Variants in SLC25A12 observed in about 807,000 individuals in gnomAD.
The protein encoded by SLC25A12 is electrogenic aspartate/glutamate antiporter SLC25A12, mitochondrial.
A neutral mutation model predicts 83.3 loss-of-function variants in SLC25A12; 32 were observed. The observed-to-expected ratio is 0.38, with a 90% CI of 0.29 to 0.52. The LOEUF (loss-of-function observed/expected upper bound fraction) is 0.52, where lower values mean the gene tolerates loss of function less well. Ranked by LOEUF, SLC25A12 falls within the 20% of genes least tolerant of loss-of-function variation. The pLI, the probability that SLC25A12 is intolerant of heterozygous loss-of-function variation, is 0.84. For missense variants in SLC25A12, 611 were observed against 835.6 expected (o/e 0.73, Z 3.31); for synonymous variants, 267 against 291.1 (o/e 0.92, Z 0.84).
intron 3 of SLC25A12, among the ~76,000 whole-genome samples, chr2:171,866,050 G>C (rs1417944890): frequency 3.0e-5 from 4 of 135,106 alleles, no homozygotes; most frequent in South Asian, 2.7e-4. Flanking sequence ...GACTCTTAAC[G>C]AGCATGCTGC....
chr2:171,813,496 A>G lies in SLC25A12; in HGVS notation c.1014T>C (p.Ala338=), dbSNP rs774315415. ...TAGGATACACTGCAGTGGCTCCCAC[A>G]GCTACAAACAGAACAATTTTTAGGC... ...YRFTLGSVAG[A]VGATAVYPID... Residue 338 remains alanine (A), a splice_region_variant and synonymous_variant, in exon 11 of 18, where the codon GCT becomes GCC. Coordinates refer to ENST00000422440, the MANE Select transcript of SLC25A12 (RefSeq NM_003705.5). 6.2e-7 allele frequency: 1 copy of G among 1,613,850 alleles called. No homozygotes were observed. The highest frequency in any genetic ancestry group is 1.7e-5 in the Admixed American group (1 of 59,954).
intron 13 of SLC25A12, among the ~76,000 whole-genome samples, chr2:171,806,114 A>C (rs570651723): frequency 5.3e-4 from 80 of 152,318 alleles, no homozygotes; most frequent in Middle Eastern, 3.4e-3. Context: ...TCCTGTCTCA[A>C]AAAAGAAGAA....
intron 4 of SLC25A12, among the ~76,000 whole-genome samples, chr2:171,854,235 G>A (rs1431020331): frequency 1.3e-5 from 2 of 152,218 alleles, no homozygotes; most frequent in Non-Finnish European, 2.9e-5. Flanking sequence ...TTGCTCCAAA[G>A]GAGGAGGATG....
intron 14 of SLC25A12, among the ~76,000 whole-genome samples, chr2:171,792,786 A>G (rs889188465): frequency 6.6e-6 from 1 of 152,328 alleles, no homozygotes. Flanking sequence ...GACAGGCATC[A>G]TTGTTTGCTG....
intron 17 of SLC25A12, among the ~76,000 whole-genome samples, chr2:171,785,724 A>T (rs898083112): frequency 6.6e-6 from 1 of 152,206 alleles, no homozygotes; most frequent in Non-Finnish European, 1.5e-5. Flanking sequence ...TATATAAACA[A>T]ATCCATAGGA....
At chr2:171,793,416 C>A (rs1265454870) in intron 14 of SLC25A12, among the ~76,000 whole-genome samples, 1 of 152,114 alleles carries the variant, frequency 6.6e-6, no homozygotes, top group Admixed American at 6.5e-5. Flanking sequence ...TCCTTGCTGG[C>A]AGTTTCATAA....
chr2:171,791,994 C>A (rs1270020855), intron 14 of SLC25A12, among the ~76,000 whole-genome samples: 3 of 152,102 alleles, frequency 2.0e-5, no homozygotes, highest in Non-Finnish European at 4.4e-5. Flanking sequence ...CCCGCAGTGC[C>A]AGGTAAAAAG....
At chr2:171,790,393 T>G (rs1431920918) in intron 15 of SLC25A12, among the ~76,000 whole-genome samples, 1 of 152,208 alleles carries the variant, frequency 6.6e-6, no homozygotes, top group African/African-American at 2.4e-5. Context: ...GGACACCTGG[T>G]TCTCTCCTTC....
At chr2:171,832,915 G>A (rs541956299) in intron 8 of SLC25A12, among the ~76,000 whole-genome samples, 4 of 152,282 alleles carry the variant, frequency 2.6e-5, no homozygotes, top group South Asian at 2.1e-4. Context: ...GATGCCACTC[G>A]AAAATTAGCT....
At position 171,871,642 on chromosome 2, in the gene SLC25A12, C is replaced by T. The variant is rs554082833; in HGVS notation, c.67-2819G>A. 9.7e-5 allele frequency: 82 copies of T among 844,062 alleles called. No homozygotes were observed. In the Middle Eastern group the frequency reaches 1.8e-3, roughly 19 times the overall value. 52.3% of individuals were successfully genotyped at this position (844,062 alleles called of 1,614,324 possible). A position where few individuals can be genotyped will look rare whatever the true frequency, so the allele number is the denominator to read the frequency against. On this transcript the variant is annotated intron_variant, in intron 2 of 17. Coordinates refer to ENST00000422440, the MANE Select transcript of SLC25A12 (RefSeq NM_003705.5). ...GCCCTCACCTGTATCTTTGTAATAG[C>T]GACTTCCTAGTTTCCCTGTCCCAAG...
At chr2:171,866,746 G>A (rs1466024901) in intron 3 of SLC25A12, among the ~76,000 whole-genome samples, 5 of 140,428 alleles carry the variant, frequency 3.6e-5, no homozygotes, top group East Asian at 2.2e-4. Context: ...CGGATGGGGC[G>A]GCTGGCCGGG....
intron 14 of SLC25A12, among the ~76,000 whole-genome samples, chr2:171,793,334 G>A (rs1335126257): frequency 6.6e-6 from 1 of 152,002 alleles, no homozygotes; most frequent in Non-Finnish European, 1.5e-5. Context: ...AGAGCACCAG[G>A]GAAAGTTTTC....
chr2:171,878,911 T>A (rs1685625905), intron 2 of SLC25A12, among the ~76,000 whole-genome samples: 1 of 152,230 alleles, frequency 6.6e-6, no homozygotes, highest in Non-Finnish European at 1.5e-5. Context: ...TAGTCAGGAA[T>A]GCATGCCCTT....
Position 171,853,285 on chromosome 2 carries a change from C to T in SLC25A12, c.325+2549G>A, listed in dbSNP as rs374570797. Among the ~76,000 whole-genome samples, 8 of 152,096 alleles carry T rather than the reference C, an allele frequency of 5.3e-5. No homozygotes were observed. In the East Asian group the frequency reaches 9.6e-4, roughly 18 times the overall value. Reference sequence around the variant, plus strand: ...ATGTTCTTCAGTTTATACCTGGTACCGTAAAAACTAAAACTGGTTTGTGTT... The same window carrying T: ...ATGTTCTTCAGTTTATACCTGGTACTGTAAAAACTAAAACTGGTTTGTGTT... On this transcript the variant is annotated intron_variant, in intron 4 of 17. Coordinates refer to ENST00000422440, the MANE Select transcript of SLC25A12 (RefSeq NM_003705.5).
chr2:171,841,435 G>A (rs1684671328), intron 5 of SLC25A12, among the ~76,000 whole-genome samples: 1 of 151,636 alleles, frequency 6.6e-6, no homozygotes, highest in Non-Finnish European at 1.5e-5. Flanking sequence ...TGCAGTGGTG[G>A]GATCATGGTT....
At chr2:171,833,106 C>T (rs546865119) in intron 8 of SLC25A12, among the ~76,000 whole-genome samples, 2 of 152,052 alleles carry the variant, frequency 1.3e-5, no homozygotes, top group South Asian at 2.1e-4. Context: ...CACCTAGAGA[C>T]GATTAAGCTT....
At chr2:171,876,547 G>GGT (rs1685577432) in intron 2 of SLC25A12, among the ~76,000 whole-genome samples, 1 of 53,746 alleles carries the variant, frequency 1.9e-5, no homozygotes, top group South Asian at 1.0e-3. Context: ...TTTTTTTGGG[G>GGT]GGGGGGGGAC....
In SLC25A12 at chr2:171,830,518, A is replaced by AT. The variant is rs112869877; in HGVS notation, c.845+3444dup. ...CTCCTTTGTTTACAGGTTGCTTTAT[A>AT]TTTTTTTTTTCTTGAAATGGAATCT... is the stretch of plus-strand genomic sequence containing the variant. On this transcript the variant is annotated intron_variant, in intron 8 of 17. Coordinates refer to ENST00000422440, the MANE Select transcript of SLC25A12 (RefSeq NM_003705.5). Among the ~76,000 whole-genome samples, 199 of 149,852 alleles carry AT rather than the reference A, an allele frequency of 1.3e-3. 1 individual carries two copies. The highest frequency in any genetic ancestry group is 4.4e-3 in the African/African-American group (182 of 40,966).
chr2:171,819,958 CTA>C (rs1558918784), intron 9 of SLC25A12, among the ~76,000 whole-genome samples: 1 of 152,152 alleles, frequency 6.6e-6, no homozygotes, highest in Non-Finnish European at 1.5e-5. Flanking sequence ...CCTTAGCAAA[CTA>C]ACACAGGAAC....
Sources: allele counts gnomAD v4.1 joint callset (sites outside exome capture counted in the v4.1 genomes callset), GRCh38; gene constraint gnomAD v4.1.1; transcripts MANE v1.5; gene names NCBI Gene and HGNC (gene_info 2026-07-23, HGNC 2026-07-21).